The following SIM2 variants were observed in gnomAD, a reference collection of about 807,000 sequenced individuals.
SIM2 encodes SIM bHLH transcription factor 2.
A neutral mutation model predicts 64.8 loss-of-function variants in SIM2; 28 were observed. The observed-to-expected ratio is 0.43, with a 90% CI of 0.32 to 0.59. The LOEUF (loss-of-function observed/expected upper bound fraction) is 0.59, where lower values mean the gene tolerates loss of function less well. SIM2 is among the 20% of genes least tolerant of loss of function. The pLI, the probability that SIM2 is intolerant of heterozygous loss-of-function variation, is 0.07. For synonymous variants in SIM2, 408 were observed against 391.1 expected (o/e 1.04, Z -0.51); for missense variants, 847 against 871.4 (o/e 0.97, Z 0.35).
intron 6 of SIM2, among the ~76,000 whole-genome samples, 183 bp from the exon 7 acceptor site, chr21:36,730,862 C>T (rs909965370): frequency 1.3e-5 from 2 of 152,218 alleles, no homozygotes; most frequent in East Asian, 3.8e-4. Context: ...AATAGTGCTA[C>T]ATCCTGCACC....
At chr21:36,704,101 A>G (rs930167116) in intron 1 of SIM2, among the ~76,000 whole-genome samples, 1 of 152,358 alleles carries the variant, frequency 6.6e-6, no homozygotes, top group Non-Finnish European at 1.5e-5. Flanking sequence ...ATTTGCCCAC[A>G]CGAAACGAGG....
intron 1 of SIM2, among the ~76,000 whole-genome samples, chr21:36,707,970 C>CG (rs1555873975): frequency 4.6e-5 from 7 of 150,706 alleles, no homozygotes; most frequent in African/African-American, 1.2e-4. Context: ...TGGGCCTGGC[C>CG]CAGCGTGGGT....
At chr21:36,734,666 G>A (rs562681957) in intron 7 of SIM2, among the ~76,000 whole-genome samples, 1 of 152,330 alleles carries the variant, frequency 6.6e-6, no homozygotes, top group East Asian at 1.9e-4. Context: ...GGAACCACCT[G>A]CAGGGCTGAG....
chr21:36,717,856 C>A (rs898461525), intron 3 of SIM2, among the ~76,000 whole-genome samples: 11 of 152,174 alleles, frequency 7.2e-5, no homozygotes, highest in Non-Finnish European at 1.5e-4. Flanking sequence ...TTACCTGTTG[C>A]CAGTTTATTT....
At chr21:36,713,072 G>A (rs2088698302) in intron 3 of SIM2, among the ~76,000 whole-genome samples, 1 of 152,202 alleles carries the variant, frequency 6.6e-6, no homozygotes, top group Non-Finnish European at 1.5e-5. Flanking sequence ...GAGAGAATGG[G>A]GAGGGGTAGA....
intron 1 of SIM2, among the ~76,000 whole-genome samples, chr21:36,708,174 G>A (rs907358845): frequency 1.3e-5 from 2 of 152,244 alleles, no homozygotes; most frequent in Non-Finnish European, 2.9e-5. Flanking sequence ...AGGGTCTGCG[G>A]CCAGGCTCCC....
At chr21:36,727,366 G>GCTAA (rs1290959691) in intron 6 of SIM2, among the ~76,000 whole-genome samples, 2 of 152,156 alleles carry the variant, frequency 1.3e-5, no homozygotes, top group African/African-American at 4.8e-5. Context: ...AGTGACAAAC[G>GCTAA]CTAACTGCGT....
chr21:36,714,661 G>A (rs2088720683), intron 3 of SIM2, among the ~76,000 whole-genome samples: 1 of 152,186 alleles, frequency 6.6e-6, no homozygotes, highest in African/African-American at 2.4e-5. Context: ...TGGTCATTTG[G>A]AATGTCCTGG....
chr21:36,738,506 CA>C (rs939963374), intron 7 of SIM2, among the ~76,000 whole-genome samples: 1 of 151,096 alleles, frequency 6.6e-6, no homozygotes, highest in East Asian at 1.9e-4. Context: ...ACTCCGTCTC[CA>C]AAAAAAAAGT....
chr21:36,736,052 C>G (rs1351855838), intron 7 of SIM2, among the ~76,000 whole-genome samples: 1 of 152,212 alleles, frequency 6.6e-6, no homozygotes, highest in African/African-American at 2.4e-5. Flanking sequence ...CTAGAGCTGG[C>G]CCCGTGGCTG....
intron 6 of SIM2, among the ~76,000 whole-genome samples, chr21:36,729,104 C>A (rs1032165917): frequency 6.6e-6 from 1 of 152,222 alleles, no homozygotes; most frequent in Non-Finnish European, 1.5e-5. Context: ...ATTTTTAAAG[C>A]CAGTGTGTAC....
intron 3 of SIM2, among the ~76,000 whole-genome samples, chr21:36,717,450 CTT>C (rs528248816): frequency 8.2e-5 from 11 of 134,772 alleles, no homozygotes; most frequent in Non-Finnish European, 1.1e-4. Flanking sequence ...TCTTTCTTTT[CTT>C]TTTTTTTTTT....
rs578247170 is a variant in SIM2 at position 36,719,058 on chromosome 21, C to T, written c.349-763C>T. Among the ~76,000 whole-genome samples the T allele has an allele frequency of 1.7e-4, 26 of 152,326 alleles. No individual in the cohort carries two copies. In the South Asian group the frequency reaches 5.0e-3, roughly 29 times the overall value. On this transcript the variant is annotated intron_variant, in intron 3 of 10. Coordinates refer to ENST00000290399, the MANE Select transcript of SIM2 (RefSeq NM_005069.6). The stretch of plus-strand genomic sequence containing the variant: ...GTGGGCTGTGTCTGGAAATAGGTAG[C>T]GTCGGACTGTTGAGGCAGCAACCCC...
chr21:36,744,834 C>T lies in SIM2; in HGVS notation c.1274C>T (p.Ser425Leu), dbSNP rs1555877785. The T allele has an allele frequency of 1.2e-6, 2 of 1,614,234 alleles. No individual in the cohort carries two copies. The highest frequency in any genetic ancestry group is 3.3e-5 in the Admixed American group (2 of 60,032). ...AAAPPELQPH[S>L]ESSDLLYTPS... ...GCTCCTCCAGAACTGCAGCCCCACT[C>T]AGAAAGCAGTGACCTTCTGTACACG... is the stretch of plus-strand genomic sequence containing the variant. Residue 425 changes from serine to leucine, a missense_variant, in exon 10 of 11, where the codon TCA becomes TTA. This residue lies in a region of SIM2 where 447 missense variants were observed against 414.6 expected (regional missense o/e 1.08). Transcript: ENST00000290399.
rs898741072 is a variant in SIM2 at position 36,699,636 on chromosome 21, G to C, written c.-111G>C. The C allele has an allele frequency of 1.7e-5, 22 of 1,267,226 alleles. No individual in the cohort carries two copies. In the Admixed American group the frequency reaches 6.3e-4, roughly 36 times the overall value. 78.5% of individuals were successfully genotyped at this position (1,267,226 alleles called of 1,614,324 possible). On this transcript the variant is annotated 5_prime_UTR_variant, in exon 1 of 11. Coordinates refer to ENST00000290399, the MANE Select transcript of SIM2 (RefSeq NM_005069.6). The surrounding 1 kb of genome is among the most constrained non-coding windows in gnomAD (Gnocchi z 5.6). ...CGCACCTGCCCGCGGCCCACTCCGC[G>C]GACTCACCTGGCTCCCGGCTCCCCC...
chr21:36,711,137 A>AT (rs900386949), intron 2 of SIM2, among the ~76,000 whole-genome samples: 4 of 151,060 alleles, frequency 2.6e-5, no homozygotes, highest in South Asian at 4.2e-4. Flanking sequence ...TAAGAATATT[A>AT]TTTTTTTAGC....
chr21:36,702,281 G>A (rs2088511902), intron 1 of SIM2, among the ~76,000 whole-genome samples: 1 of 152,186 alleles, frequency 6.6e-6, no homozygotes, highest in Non-Finnish European at 1.5e-5. Flanking sequence ...TCTTTTGGAG[G>A]GGGTGACCCT....
intron 7 of SIM2, among the ~76,000 whole-genome samples, chr21:36,738,227 C>T (rs1227262465): frequency 6.6e-6 from 1 of 152,086 alleles, no homozygotes; most frequent in Non-Finnish European, 1.5e-5. Flanking sequence ...GTAATAGCAG[C>T]CAGATGCGGT....
At chr21:36,710,604 A>G (rs911085972) in intron 2 of SIM2, 7 of 53,254 alleles carry the variant, frequency 1.3e-4, no homozygotes, top group Non-Finnish European at 2.3e-4. Context: ...TAAAATAATA[A>G]TAAAAAAAAT....
Sources: gnomAD v4.1 joint callset for allele counts (sites outside exome capture counted in the v4.1 genomes callset) on GRCh38, gnomAD v4.1.1 for gene constraint, gnomAD v4.1.1 regional missense constraint, Gnocchi (gnomAD v3.1) non-coding constraint, MANE v1.5 for transcripts, NCBI Gene and HGNC (gene_info 2026-07-23, HGNC 2026-07-21) for gene names.